The following MALRD1 variants were observed in gnomAD, a reference collection of about 807,000 sequenced individuals.
MALRD1 encodes the protein MAM and LDL receptor class A domain containing 1.
MALRD1 carries 247 observed loss-of-function variants against 242.1 expected under a neutral mutation model. The ratio of observed to expected loss-of-function variants is 1.02; its 90% CI spans 0.92 to 1.13. The LOEUF (loss-of-function observed/expected upper bound fraction) is 1.13. MALRD1 is among the 50% of genes most tolerant of loss of function. The probability of loss-of-function intolerance (pLI) is 0.00; values close to 1 mark genes in which losing one functional copy is unlikely to be tolerated. For synonymous variants in MALRD1, 995 were observed against 866.6 expected, an observed-to-expected ratio of 1.15 and a Z score of -2.60; for missense variants, 2,989 against 2,533.1, an observed-to-expected ratio of 1.18 and a Z score of -3.86.
At chr10:19,229,806 G>T (rs1837970737) in intron 18 of MALRD1, among the ~76,000 whole-genome samples, 1 of 152,060 alleles carries the variant, frequency 6.6e-6, no homozygotes, top group Non-Finnish European at 1.5e-5. Context: ...AGAGTTTTTT[G>T]ATGTATTCTC....
intron 14 of MALRD1, among the ~76,000 whole-genome samples, chr10:19,177,330 T>G (rs1835304300): frequency 6.6e-6 from 1 of 151,426 alleles, no homozygotes; most frequent in Non-Finnish European, 1.5e-5. Flanking sequence ...CAGGATTACC[T>G]TATTTTTGTT....
chr10:19,450,439 C>T lies in MALRD1; in HGVS notation c.4978C>T (p.Leu1660=). 1.3e-6 allele frequency: 2 copies of T among 1,550,400 alleles called. No individual in the cohort carries two copies. The highest frequency in any genetic ancestry group is 2.4e-5 in the East Asian group (1 of 40,902). ...VIFQGIRTRD[L]GGGAAIDDIE... is the part of the protein sequence containing the mutation. Reference sequence around the variant, plus strand: ...ATTTCAAGGTATCAGAACAAGGGACCTGGGAGGAGGAGCTGCAATTGATGA... The same window carrying T: ...ATTTCAAGGTATCAGAACAAGGGACTTGGGAGGAGGAGCTGCAATTGATGA... Residue 1660 remains leucine, a synonymous_variant, in exon 29 of 40, where the codon CTG becomes TTG. Coordinates refer to ENST00000454679, the MANE Select transcript of MALRD1 (RefSeq NM_001142308.3).
intron 36 of MALRD1, among the ~76,000 whole-genome samples, chr10:19,670,092 AAAC>A (rs1841851492): frequency 6.6e-6 from 1 of 150,922 alleles, no homozygotes; most frequent in African/African-American, 2.5e-5. Flanking sequence ...ACACACACAC[AAAC>A]ACACACACAC....
Position 19,369,401 on chromosome 10 carries a change from T to TAC in MALRD1, c.4441+17104_4441+17105insAC, listed in dbSNP as rs1483955982. On this transcript the variant is annotated intron_variant, in intron 26 of 39. Transcript: ENST00000454679. ...ATATTGAAATATATTTATATATAAA[T>TAC]GCACACACACATTCTTCTATGGAGT... is the stretch of plus-strand genomic sequence containing the variant. Among the ~76,000 whole-genome samples, 3 of 52,698 alleles carry TAC rather than the reference T, an allele frequency of 5.7e-5. No homozygotes were observed. The East Asian group carries it at 1.1e-3, about 19-fold the overall frequency. The allele number at this position is 52,698 out of a possible 152,430, so 34.6% of individuals were successfully genotyped here.
intron 11 of MALRD1, among the ~76,000 whole-genome samples, chr10:19,148,788 A>ATATATATATATATATATATATATATAT (rs1554797975): frequency 3.6e-4 from 32 of 87,988 alleles, no homozygotes; most frequent in Non-Finnish European, 6.9e-4. Context: ...AAAAAAAAAA[A>ATATATATATATATATATATATATATAT]ATATATATAT....
At chr10:19,153,797 C>T (rs1023760050) in intron 11 of MALRD1, among the ~76,000 whole-genome samples, 5 of 152,060 alleles carry the variant, frequency 3.3e-5, no homozygotes, top group South Asian at 2.1e-4. Context: ...GTTGTCTAAA[C>T]GATTTATTCA....
At chr10:19,634,063 A>G (rs908076404) in intron 36 of MALRD1, among the ~76,000 whole-genome samples, 3 of 150,886 alleles carry the variant, frequency 2.0e-5, no homozygotes, top group Non-Finnish European at 4.4e-5. Flanking sequence ...CTGGTCTTGA[A>G]CTCCTGACCT....
intron 2 of MALRD1, among the ~76,000 whole-genome samples, chr10:19,081,341 A>G (rs1297955578): frequency 6.6e-6 from 1 of 152,180 alleles, no homozygotes; most frequent in Non-Finnish European, 1.5e-5. Context: ...ACTGTTCACA[A>G]TAGCAAAGAC....
chr10:19,109,521 AC>A (rs1206888797), intron 5 of MALRD1, among the ~76,000 whole-genome samples: 6 of 152,210 alleles, frequency 3.9e-5, no homozygotes, highest in African/African-American at 1.4e-4. Flanking sequence ...CAGCAGTACC[AC>A]TAGGTATAGG....
intron 36 of MALRD1, among the ~76,000 whole-genome samples, chr10:19,655,528 G>GTCTA (rs1491324992): frequency 1.9e-5 from 2 of 102,940 alleles, no homozygotes. Context: ...ATATGTGTGA[G>GTCTA]TGTATATATA....
At chr10:19,390,653 G>C (rs138525183) in intron 28 of MALRD1, among the ~76,000 whole-genome samples, 18 of 152,194 alleles carry the variant, frequency 1.2e-4, no homozygotes, top group African/African-American at 4.1e-4. Context: ...TTTAAAGCAT[G>C]CTGTGGAGAC....
intron 18 of MALRD1, among the ~76,000 whole-genome samples, chr10:19,224,741 T>C (rs1465677646): frequency 6.6e-6 from 1 of 152,314 alleles, no homozygotes; most frequent in East Asian, 1.9e-4. Context: ...ATTAGCCCTT[T>C]GTTAGATGGA....
intron 24 of MALRD1, among the ~76,000 whole-genome samples, chr10:19,342,488 T>C (rs955799482): frequency 8.5e-5 from 13 of 152,138 alleles, no homozygotes; most frequent in Non-Finnish European, 1.6e-4. Context: ...AAAAGAGATA[T>C]GTAAATAAAC....
chr10:19,241,413 T>A (rs1280238031), intron 18 of MALRD1, among the ~76,000 whole-genome samples: 1 of 152,132 alleles, frequency 6.6e-6, no homozygotes, highest in Non-Finnish European at 1.5e-5. Context: ...GGTGTATCAG[T>A]TGTAATGTCT....
chr10:19,245,113 C>T (rs1838980767), intron 18 of MALRD1, among the ~76,000 whole-genome samples: 1 of 152,122 alleles, frequency 6.6e-6, no homozygotes, highest in South Asian at 2.1e-4. Flanking sequence ...TCAGACTGCA[C>T]TAGAATTAAT....
At chr10:19,353,157 C>T in intron 26 of MALRD1, among the ~76,000 whole-genome samples, 1 of 152,120 alleles carries the variant, frequency 6.6e-6, no homozygotes, top group African/African-American at 2.4e-5. Flanking sequence ...CAGGCATGCT[C>T]CACCACACCT....
At chr10:19,123,441 C>G in intron 5 of MALRD1, 51 bp from the exon 6 acceptor site, 1 of 1,062,030 alleles carries the variant, frequency 9.4e-7, no homozygotes, top group Non-Finnish European at 1.2e-6. Flanking sequence ...ATACTTGAGT[C>G]TTTCCAGTTG....
At chr10:19,162,085 G>A (rs36013652) in intron 12 of MALRD1, among the ~76,000 whole-genome samples, 64,801 of 151,804 alleles carry the variant, frequency 0.43, 14,202 homozygotes, top group Admixed American at 0.49. Flanking sequence ...CATAACTGAG[G>A]AAATGAATTT....
chr10:19,105,039 TTCTC>T (rs796313392), intron 5 of MALRD1, among the ~76,000 whole-genome samples: 96 of 152,196 alleles, frequency 6.3e-4, no homozygotes, highest in African/African-American at 2.2e-3. Context: ...ACATTTGAAA[TTCTC>T]TCTATTAGTT....
Sources: allele counts gnomAD v4.1 joint callset (sites outside exome capture counted in the v4.1 genomes callset), GRCh38; gene constraint gnomAD v4.1.1; transcripts MANE v1.5; gene names NCBI Gene and HGNC (gene_info 2026-07-23, HGNC 2026-07-21).